The following EP400 variants were observed in gnomAD, a reference collection of about 807,000 sequenced individuals.
EP400 encodes E1A-binding protein p400.
EP400 carries 105 observed loss-of-function variants against 354.1 expected under a neutral mutation model. The observed-to-expected ratio is 0.30, with a 90% CI of 0.25 to 0.35. EP400 has a LOEUF of 0.35. Ranked by LOEUF, EP400 falls within the 10% of genes least tolerant of loss-of-function variation. EP400 has a pLI of 1.00. For missense variants in EP400, 3,280 were observed against 4,121.0 expected (o/e 0.80, Z 5.59); for synonymous variants, 1,646 against 1,716.9 (o/e 0.96, Z 1.02).
At chr12:132,077,369 G>C (rs778543108) in intron 52 of EP400, 32 bp from the exon 53 acceptor site, 1 of 1,593,098 alleles carries the variant, frequency 6.3e-7, no homozygotes, top group East Asian at 2.2e-5. Flanking sequence ...AGTTTCCTGG[G>C]CAATGTGTGT....
At chr12:132,074,607 C>A (rs939493539) in intron 51 of EP400, among the ~76,000 whole-genome samples, 2 of 152,196 alleles carry the variant, frequency 1.3e-5, no homozygotes, top group South Asian at 2.1e-4. Context: ...TTACGTGTTG[C>A]CCCTGTCCTG....
chr12:132,021,395 TA>T, intron 23 of EP400, 74 bp downstream of exon 23: 1 of 1,432,550 alleles, frequency 7.0e-7, no homozygotes, highest in South Asian at 1.5e-5. Flanking sequence ...CACGGGGATG[TA>T]GGAGGAGCCT....
Position 132,042,333 on chromosome 12 carries a change from T to G in EP400, c.6208-971T>G, listed in dbSNP as rs140965379. Among the ~76,000 whole-genome samples, 306 of 152,364 alleles carry G rather than the reference T, an allele frequency of 2.0e-3. 1 individual carries two copies. The highest frequency in any genetic ancestry group is 7.0e-3 in the African/African-American group (290 of 41,588). ...CTTTGTTTGATACACTTGACATATC[T>G]TTCCCATTCTGTGGTTTGCCTTTTT... On this transcript the variant is annotated intron_variant, in intron 32 of 52. Coordinates refer to ENST00000389561, the MANE Select transcript of EP400 (RefSeq NM_015409.5).
At chr12:132,026,619 C>G (rs1894314435) in intron 25 of EP400, among the ~76,000 whole-genome samples, 1 of 152,164 alleles carries the variant, frequency 6.6e-6, no homozygotes, top group African/African-American at 2.4e-5. Flanking sequence ...CTTGGGGATT[C>G]CAGAACCAGC....
chr12:132,037,554 G>C (rs1370118994), intron 30 of EP400, 128 bp from the exon 31 acceptor site: 1 of 729,942 alleles, frequency 1.4e-6, no homozygotes, highest in African/African-American at 1.7e-5. Context: ...CCCCACGAAG[G>C]CATGTTCTGA....
At chr12:131,958,156 A>G (rs1272975333) in intron 1 of EP400, among the ~76,000 whole-genome samples, 1 of 152,202 alleles carries the variant, frequency 6.6e-6, no homozygotes, top group Non-Finnish European at 1.5e-5. Flanking sequence ...CCAGTTTCAC[A>G]CTAATCTCCT....
rs1429862372 is a variant in EP400, at chr12:132,043,745, T to C, written c.6450+17T>C. 12 of 1,585,862 alleles carry C rather than the reference T, an allele frequency of 7.6e-6. No homozygotes were observed. The highest frequency in any genetic ancestry group is 2.7e-5 in the African/African-American group (2 of 73,322). On this transcript the variant is annotated intron_variant, in intron 34 of 52. Coordinates refer to ENST00000389561, the MANE Select transcript of EP400 (RefSeq NM_015409.5). ...AACAGTGAGGTAAGAGAATCAACTT[T>C]TGGTCAGTGAAAAAAATTTGCAATA...
At chr12:132,015,861 G>A (rs1211172583) in intron 19 of EP400, among the ~76,000 whole-genome samples, 1 of 152,106 alleles carries the variant, frequency 6.6e-6, no homozygotes, top group Non-Finnish European at 1.5e-5. Context: ...TGGCCCAGGA[G>A]CGTCCTGTCC....
In EP400 at chr12:132,067,176, GTCT is replaced by G; in HGVS notation, c.8750-184_8750-182del. 1 of 1,171,172 alleles carries G rather than the reference GTCT, an allele frequency of 8.5e-7. No individual in the cohort carries two copies. The highest frequency in any genetic ancestry group is 1.2e-6 in the Non-Finnish European group (1 of 841,786). The allele number at this position is 1,171,172 out of a possible 1,614,324, so 72.5% of individuals were successfully genotyped here. A position where few individuals can be genotyped will look rare whatever the true frequency, so the allele number is the denominator to read the frequency against. On this transcript the variant is annotated intron_variant, in intron 49 of 52. Transcript: ENST00000389561. This position sits in a 1 kb window ranked among gnomAD's most constrained non-coding sequence, Gnocchi z 5.3. ...GAACTGTTAACATTCTGAAATTTCC[GTCT>G]TAATTTAAGTGTAATTTGTGAACCC... is the stretch of plus-strand genomic sequence containing the variant.
chr12:132,047,746 A>G (rs1895155788), intron 39 of EP400, among the ~76,000 whole-genome samples: 1 of 152,214 alleles, frequency 6.6e-6, no homozygotes, highest in African/African-American at 2.4e-5. Flanking sequence ...GTTTGAGAGC[A>G]GACAACCAGT....
rs372476110 is a variant in EP400, at chr12:132,062,521, C to T, written c.8154C>T (p.Leu2718=). ...TCACACCTGCACATTTCCAGCTTCT[C>T]AGGCAGCAGCAGCAGCAGCAGCAAC... is the stretch of plus-strand genomic sequence containing the variant. ...KTITPAHFQL[L]RQQQQQQQQQ... is the part of the protein sequence containing the mutation. Residue 2718 remains leucine (L), a synonymous_variant, in exon 47 of 53, where the codon CTC becomes CTT. Transcript: ENST00000389561. 2.5e-6 allele frequency: 4 copies of T among 1,605,516 alleles called. No individual in the cohort carries two copies. Among genetic ancestry groups the T allele is most frequent in the African/African-American group, 1.4e-5 (1 of 71,442 alleles).
At position 132,044,249 on chromosome 12, in the gene EP400, C is replaced by T. The variant is rs748900748; in HGVS notation, c.6523C>T (p.Leu2175=). The change falls in exon 35 of 53, where the codon CTG becomes TTG. Residue 2175 remains leucine (L), a synonymous_variant. Transcript: ENST00000389561. ...GACCCTGCAGGAGAGGGAGGCCCGGCTGCGGCTGGAGCAGGAGGAGGCGGA... is the reference window on the plus strand; with the variant it reads ...GACCCTGCAGGAGAGGGAGGCCCGGTTGCGGCTGGAGCAGGAGGAGGCGGA... ...LKTLQEREAR[L]RLEQEEAELL... 1.2e-6 allele frequency: 2 copies of T among 1,614,184 alleles called. No homozygotes were observed. Among genetic ancestry groups the T allele is most frequent in the East Asian group, 2.2e-5 (1 of 44,886 alleles).
intron 36 of EP400, 41 bp from the exon 37 acceptor site, chr12:132,044,759 T>C (rs761857408): frequency 6.2e-7 from 1 of 1,614,078 alleles, no homozygotes; most frequent in Non-Finnish European, 8.5e-7. Flanking sequence ...GGCAGCTTCC[T>C]GTGAGTTCCA....
Position 132,012,860 on chromosome 12 carries a change from C to T in EP400, c.3442-149C>T, listed in dbSNP as rs182726266. The T allele has an allele frequency of 3.6e-4, 276 of 758,520 alleles. No homozygotes were observed. The East Asian group carries it at 4.4e-3, about 12-fold the overall frequency. The allele number at this position is 758,520 out of a possible 1,614,324, so 47.0% of individuals were successfully genotyped here. On this transcript the variant is annotated intron_variant, in intron 16 of 52. Transcript: ENST00000389561. ...AACATAAACACAGCCGTTTTCTGTGCGGTAATAGCAAGTTATTTAAAAAAG... is the reference window on the plus strand; with the variant it reads ...AACATAAACACAGCCGTTTTCTGTGTGGTAATAGCAAGTTATTTAAAAAAG...
rs753489457 is a variant in EP400, at chr12:131,960,881, C to G, written c.262C>G (p.Gln88Glu). The G allele has an allele frequency of 6.2e-7, 1 of 1,614,064 alleles. No individual in the cohort carries two copies. The highest frequency in any genetic ancestry group is 8.5e-7 in the Non-Finnish European group (1 of 1,180,038). ...SVGPVVGGNQ[Q>E]ITLAPLPLPS... ...GGGCCCTGTCGTCGGGGGAAACCAG[C>G]AGATCACACTGGCCCCACTGCCGCT... Residue 88 changes from glutamine (Q) to glutamate (E), a missense_variant, in exon 2 of 53, where the codon CAG becomes GAG. By Grantham distance (29) the Gln-to-Glu change is conservative (BLOSUM62 2). Coordinates refer to ENST00000389561, the MANE Select transcript of EP400 (RefSeq NM_015409.5).
chr12:132,013,674 G>T lies in EP400; in HGVS notation c.3786+10G>T. Reference sequence around the variant, plus strand: ...CATAAGGTTACACAGGGTAGGTTGGGTTCTGCCATTTCAGTTAATTAATTA... The same window carrying T: ...CATAAGGTTACACAGGGTAGGTTGGTTTCTGCCATTTCAGTTAATTAATTA... On this transcript the variant is annotated intron_variant, in intron 18 of 52. Coordinates refer to ENST00000389561, the MANE Select transcript of EP400 (RefSeq NM_015409.5). The surrounding 1 kb of genome is among the most constrained non-coding windows in gnomAD (Gnocchi z 4.5). 1 of 1,606,028 alleles carries T rather than the reference G, an allele frequency of 6.2e-7. No individual in the cohort carries two copies. The highest frequency in any genetic ancestry group is 1.7e-5 in the Admixed American group (1 of 59,172).
intron 5 of EP400, among the ~76,000 whole-genome samples, chr12:131,983,382 C>T (rs1426210798): frequency 1.3e-5 from 2 of 152,262 alleles, no homozygotes; most frequent in Admixed American, 6.5e-5. Flanking sequence ...CAGCTTGATA[C>T]ACATTTCAGG....
intron 5 of EP400, among the ~76,000 whole-genome samples, chr12:131,986,166 G>T (rs1273973909): frequency 2.0e-5 from 3 of 151,620 alleles, no homozygotes; most frequent in Non-Finnish European, 1.5e-5. Context: ...TGTAGAGATG[G>T]GGTCTTTCTT....
At chr12:131,967,065 T>C (rs747392963) in intron 2 of EP400, among the ~76,000 whole-genome samples, 1 of 151,062 alleles carries the variant, frequency 6.6e-6, no homozygotes, top group Non-Finnish European at 1.5e-5. Flanking sequence ...CAGGGCCACA[T>C]AGTGAGACCC....
Sources: gnomAD v4.1 joint callset for allele counts (sites outside exome capture counted in the v4.1 genomes callset) on GRCh38, gnomAD v4.1.1 for gene constraint, Gnocchi (gnomAD v3.1) non-coding constraint, MANE v1.5 for transcripts, NCBI Gene and HGNC (gene_info 2026-07-23, HGNC 2026-07-21) for gene names.